The following FAM107B variants were observed in gnomAD, a reference collection of about 807,000 sequenced individuals.
FAM107B encodes family with sequence similarity 107 member B.
In FAM107B, 21 loss-of-function variants were observed where a neutral mutation model predicts 31.5. The ratio of observed to expected loss-of-function variants is 0.67; its 90% CI spans 0.47 to 0.96. FAM107B has a LOEUF of 0.96. Ranked by LOEUF, FAM107B falls within the 40% of genes least tolerant of loss-of-function variation. FAM107B has a pLI of 0.00. For synonymous variants in FAM107B, 157 were observed against 141.5 expected (o/e 1.11, Z -0.78); for missense variants, 452 against 377.1 (o/e 1.20, Z -1.64).
At chr10:14,694,201 G>A (rs1458559682) in intron 1 of FAM107B, among the ~76,000 whole-genome samples, 1 of 152,174 alleles carries the variant, frequency 6.6e-6, no homozygotes, top group African/African-American at 2.4e-5. Context: ...ATCTTTATGA[G>A]GTGGTGATTT....
chr10:14,628,147 G>A (rs559011215), intron 2 of FAM107B, among the ~76,000 whole-genome samples: 105 of 72,502 alleles, frequency 1.4e-3, no homozygotes, highest in African/African-American at 4.3e-3. Flanking sequence ...ATGGAGTTTC[G>A]CTCTTGTTGC....
intron 2 of FAM107B, chr10:14,553,301 A>T: frequency 8.1e-7 from 1 of 1,231,240 alleles, no homozygotes; most frequent in Non-Finnish European, 1.0e-6. Context: ...TGACCGAGAC[A>T]GTAAATTTCC....
chr10:14,579,689 GA>G (rs1851573275), intron 2 of FAM107B, among the ~76,000 whole-genome samples: 1 of 152,188 alleles, frequency 6.6e-6, no homozygotes, highest in Non-Finnish European at 1.5e-5. Context: ...ATAAGAGGAG[GA>G]TAAAACTGTT....
intron 2 of FAM107B, among the ~76,000 whole-genome samples, chr10:14,587,575 T>C (rs1205114761): frequency 1.3e-5 from 2 of 152,118 alleles, no homozygotes; most frequent in Non-Finnish European, 2.9e-5. Context: ...TACACAAACA[T>C]CCAAAAAAAG....
At chr10:14,660,892 TC>T (rs1471363548) in intron 2 of FAM107B, among the ~76,000 whole-genome samples, 1 of 152,154 alleles carries the variant, frequency 6.6e-6, no homozygotes, top group African/African-American at 2.4e-5. Flanking sequence ...TTTGTGTCCT[TC>T]CCCAAACCTC....
chr10:14,659,427 C>T (rs1854164741), intron 2 of FAM107B, among the ~76,000 whole-genome samples: 1 of 145,694 alleles, frequency 6.9e-6, no homozygotes, highest in Non-Finnish European at 1.5e-5. Context: ...GGTGAAAGAG[C>T]AAAACTCCGT....
At chr10:14,531,900 T>G (rs1847062901) in intron 2 of FAM107B, among the ~76,000 whole-genome samples, 1 of 152,210 alleles carries the variant, frequency 6.6e-6, no homozygotes, top group Non-Finnish European at 1.5e-5. Flanking sequence ...ATAACTTACT[T>G]TGGAACCCAT....
chr10:14,635,904 T>C (rs1853486471), intron 2 of FAM107B, among the ~76,000 whole-genome samples: 1 of 152,146 alleles, frequency 6.6e-6, no homozygotes, highest in South Asian at 2.1e-4. Context: ...CGCATTGAGA[T>C]TACAGGCATG....
rs529986201 is a variant in FAM107B at position 14,617,596 on chromosome 10, A to G, written c.469+50038T>C. Among the ~76,000 whole-genome samples, 75 of 152,312 alleles carry G rather than the reference A, an allele frequency of 4.9e-4. 1 individual carries two copies. The highest frequency in any genetic ancestry group is 1.7e-3 in the African/African-American group (71 of 41,578). ...ACACGTAAGTGGCTATCTGTGTTTGAGCAGAGACAAAAGTAAAACTGTGTG... is the reference window on the plus strand; with the variant it reads ...ACACGTAAGTGGCTATCTGTGTTTGGGCAGAGACAAAAGTAAAACTGTGTG... On this transcript the variant is annotated intron_variant, in intron 2 of 4. Transcript: ENST00000181796.
chr10:14,769,848 T>A (rs1833260990), intron 1 of FAM107B, among the ~76,000 whole-genome samples: 1 of 152,246 alleles, frequency 6.6e-6, no homozygotes, highest in Admixed American at 6.5e-5. Flanking sequence ...TCTGAAACTT[T>A]TAGTTGCTTA....
chr10:14,654,623 C>G (rs762412478), intron 2 of FAM107B, among the ~76,000 whole-genome samples: 5 of 152,118 alleles, frequency 3.3e-5, no homozygotes, highest in Non-Finnish European at 5.9e-5. Flanking sequence ...CAGAAACAAA[C>G]AGCATTTAAT....
intron 1 of FAM107B, among the ~76,000 whole-genome samples, chr10:14,768,384 G>C (rs1386098046): frequency 3.3e-5 from 5 of 152,176 alleles, no homozygotes; most frequent in African/African-American, 1.2e-4. Flanking sequence ...CTCACACTTT[G>C]AGATTTCAAA....
chr10:14,678,996 A>G (rs892571292), intron 1 of FAM107B, among the ~76,000 whole-genome samples: 1 of 152,244 alleles, frequency 6.6e-6, no homozygotes, highest in Admixed American at 6.5e-5. Flanking sequence ...AGGGAAGCAG[A>G]GCCTGCTGGC....
intron 2 of FAM107B, among the ~76,000 whole-genome samples, chr10:14,618,467 T>C (rs990823558): frequency 6.6e-6 from 1 of 152,178 alleles, no homozygotes; most frequent in African/African-American, 2.4e-5. Flanking sequence ...GGTTGGATTC[T>C]GTCCCTTGCC....
At chr10:14,600,725 G>T (rs887981609) in intron 2 of FAM107B, among the ~76,000 whole-genome samples, 2 of 152,056 alleles carry the variant, frequency 1.3e-5, no homozygotes, top group South Asian at 2.1e-4. Context: ...CTGCAGCCTC[G>T]AACTCCTGGG....
chr10:14,658,092 G>A (rs951985363), intron 2 of FAM107B, among the ~76,000 whole-genome samples: 18 of 152,150 alleles, frequency 1.2e-4, no homozygotes, highest in African/African-American at 3.9e-4. Flanking sequence ...GATTACAGGC[G>A]TAATTAGCAC....
chr10:14,694,345 G>C (rs1032286221), intron 1 of FAM107B, among the ~76,000 whole-genome samples: 4 of 152,130 alleles, frequency 2.6e-5, no homozygotes, highest in Admixed American at 6.5e-5. Flanking sequence ...CAGTACATAA[G>C]GGTTCCCTTT....
At chr10:14,737,424 G>A (rs1237359487) in intron 1 of FAM107B, among the ~76,000 whole-genome samples, 2 of 151,970 alleles carry the variant, frequency 1.3e-5, no homozygotes, top group East Asian at 3.9e-4. Flanking sequence ...ACCAGCCTGG[G>A]CAACACAGTG....
chr10:14,689,749 C>T (rs1476388923), intron 1 of FAM107B, among the ~76,000 whole-genome samples: 1 of 152,022 alleles, frequency 6.6e-6, no homozygotes, highest in Non-Finnish European at 1.5e-5. Flanking sequence ...TCATGTAAGC[C>T]CAGAAGTTTG....
Sources: gnomAD v4.1 joint callset for allele counts (sites outside exome capture counted in the v4.1 genomes callset) on GRCh38, gnomAD v4.1.1 for gene constraint, MANE v1.5 for transcripts, NCBI Gene and HGNC (gene_info 2026-07-23, HGNC 2026-07-21) for gene names.